KIAA1671: variants seen among roughly 807,000 people sequenced by gnomAD.
KIAA1671 encodes KIAA1671, also known as uncharacterized protein KIAA1671.
KIAA1671 carries 52 observed loss-of-function variants against 131.2 expected under a neutral mutation model. That is an observed-to-expected ratio of 0.40 (90% CI 0.32 to 0.50). The LOEUF is 0.50. Among genes scored for constraint, KIAA1671 ranks in the 20% least tolerant of loss-of-function variants. The pLI is 0.73. For synonymous variants in KIAA1671, 1,003 were observed against 961.6 expected, an observed-to-expected ratio of 1.04 and a Z score of -0.80; for missense variants, 2,360 against 2,364.2, an observed-to-expected ratio of 1.00 and a Z score of 0.04.
At chr22:25,189,244 C>T (rs896672429) in intron 11 of KIAA1671, among the ~76,000 whole-genome samples, 4 of 151,500 alleles carry the variant, frequency 2.6e-5, no homozygotes, top group Non-Finnish European at 5.9e-5. Context: ...ACCTCCGCCT[C>T]CTGGGTTCAC....
rs1934740220 is a variant in KIAA1671 at position 25,193,713 on chromosome 22, TGGTGAG to T, written c.*1314_*1319del. The T allele has an allele frequency of 6.6e-6, 1 of 152,072 alleles. No homozygotes were observed. The highest frequency in any genetic ancestry group is 1.5e-5 in the Non-Finnish European group (1 of 68,038). The allele number at this position is 152,072 out of a possible 1,614,324, so 9.4% of individuals were successfully genotyped here. The stretch of plus-strand genomic sequence containing the variant: ...TAGGTTAGGATAAACACCTGGGCCC[TGGTGAG>T]GCAGTTGCTGTTCAGCACCAGGGAC... On this transcript the variant is annotated 3_prime_UTR_variant, in exon 13 of 13. Transcript: ENST00000358431.
intron 6 of KIAA1671, among the ~76,000 whole-genome samples, chr22:25,149,336 T>C (rs542917245): frequency 6.6e-6 from 1 of 152,318 alleles, no homozygotes; most frequent in Admixed American, 6.5e-5. Flanking sequence ...GCATCTGACG[T>C]CCTGGCCCCT....
At chr22:24,979,595 C>T (rs997096685) in intron 1 of KIAA1671, among the ~76,000 whole-genome samples, 4 of 145,714 alleles carry the variant, frequency 2.7e-5, no homozygotes, top group Non-Finnish European at 6.1e-5. Flanking sequence ...GTGATCCGCC[C>T]GCCTCGGCCT....
chr22:24,962,366 G>T (rs1032843779), intron 1 of KIAA1671, among the ~76,000 whole-genome samples: 3 of 152,172 alleles, frequency 2.0e-5, no homozygotes, highest in Non-Finnish European at 4.4e-5. Flanking sequence ...TGAGGTAGAT[G>T]ATAACCAGAT....
chr22:25,123,390 C>T (rs1199894919), intron 6 of KIAA1671, among the ~76,000 whole-genome samples: 1 of 152,024 alleles, frequency 6.6e-6, no homozygotes, highest in Non-Finnish European at 1.5e-5. Flanking sequence ...AATGGGGTTT[C>T]ATCGTGTTAA....
At chr22:25,123,063 G>A (rs1252482326) in intron 6 of KIAA1671, among the ~76,000 whole-genome samples, 1 of 152,128 alleles carries the variant, frequency 6.6e-6, no homozygotes, top group Non-Finnish European at 1.5e-5. Flanking sequence ...AAACATGATA[G>A]CCTCTAAGGT....
chr22:25,126,272 C>T (rs1196244716), intron 6 of KIAA1671, among the ~76,000 whole-genome samples: 1 of 152,212 alleles, frequency 6.6e-6, no homozygotes, highest in Non-Finnish European at 1.5e-5. Flanking sequence ...AGAAACAGCC[C>T]TTCCCTGGGC....
intron 6 of KIAA1671, among the ~76,000 whole-genome samples, chr22:25,130,357 A>G (rs1932386740): frequency 6.6e-6 from 1 of 152,156 alleles, no homozygotes; most frequent in Admixed American, 6.6e-5. Context: ...TCTGGCTCTC[A>G]ATAGACATTT....
intron 1 of KIAA1671, among the ~76,000 whole-genome samples, chr22:24,975,812 C>T (rs777423422): frequency 3.3e-5 from 5 of 152,048 alleles, no homozygotes; most frequent in Non-Finnish European, 5.9e-5. Flanking sequence ...TGGTGCAGAG[C>T]GGGGGATCCA....
chr22:24,962,826 T>C (rs888876555), intron 1 of KIAA1671, among the ~76,000 whole-genome samples: 1 of 152,136 alleles, frequency 6.6e-6, no homozygotes, highest in Non-Finnish European at 1.5e-5. Flanking sequence ...GCTTTCCCCC[T>C]TCTGCTGTAG....
chr22:25,164,957 A>G (rs1933588394), intron 6 of KIAA1671, among the ~76,000 whole-genome samples: 1 of 107,294 alleles, frequency 9.3e-6, no homozygotes, highest in African/African-American at 5.9e-5. Flanking sequence ...GGAAAAAAAA[A>G]AAAAGAGAGA....
chr22:24,980,270 A>ATTTT (rs59392276), intron 1 of KIAA1671, among the ~76,000 whole-genome samples: 1,466 of 119,192 alleles, frequency 0.012, 62 homozygotes, highest in African/African-American at 0.044. Context: ...AGTTTCTTTG[A>ATTTT]TTTTTTTTTT....
chr22:25,145,078 G>A (rs1002070474), intron 6 of KIAA1671, among the ~76,000 whole-genome samples: 2 of 152,150 alleles, frequency 1.3e-5, no homozygotes. Context: ...TTTCCCTTTA[G>A]GGATGGTGGA....
chr22:25,046,042 C>T (rs1229308923), intron 5 of KIAA1671, among the ~76,000 whole-genome samples: 1 of 152,142 alleles, frequency 6.6e-6, no homozygotes, highest in Non-Finnish European at 1.5e-5. Flanking sequence ...TGGCTCACAT[C>T]TGTAATCCCA....
intron 6 of KIAA1671, among the ~76,000 whole-genome samples, chr22:25,066,909 G>A (rs1189129652): frequency 6.6e-6 from 1 of 152,164 alleles, no homozygotes; most frequent in Non-Finnish European, 1.5e-5. Flanking sequence ...TGTGTGGAGT[G>A]CCTCGGTCAC....
rs1232942238 is a variant in KIAA1671 at position 25,066,988 on chromosome 22, C to G, written c.4530+17624C>G. Among the ~76,000 whole-genome samples the G allele has an allele frequency of 2.0e-5, 3 of 152,130 alleles. 1 individual carries two copies. The highest frequency in any genetic ancestry group is 3.9e-4 in the East Asian group (2 of 5,184). The stretch of plus-strand genomic sequence containing the variant: ...GGGGGCGGGAAGAGAGGACACTGTT[C>G]CACTTCGTCAGCCTCTGACTTCTGA... On this transcript the variant is annotated intron_variant, in intron 6 of 12. Transcript: ENST00000358431.
intron 10 of KIAA1671, 60 bp from the exon 11 acceptor site, chr22:25,184,917 G>A (rs1257017964): frequency 1.9e-6 from 3 of 1,544,050 alleles, no homozygotes; most frequent in East Asian, 2.4e-5. Flanking sequence ...CATTTGCATG[G>A]GAGGGGGCCC....
intron 6 of KIAA1671, among the ~76,000 whole-genome samples, chr22:25,093,866 C>G (rs949797264): frequency 1.2e-4 from 16 of 135,762 alleles, no homozygotes; most frequent in South Asian, 2.5e-4. Context: ...CTCTCTCTCT[C>G]TCTCTCTCTC....
chr22:25,178,675 A>T (rs1601386272), intron 9 of KIAA1671, among the ~76,000 whole-genome samples: 2 of 152,184 alleles, frequency 1.3e-5, no homozygotes. Flanking sequence ...GACTCAGGGC[A>T]GGTCCCCAAC....
Sources: gnomAD v4.1 joint callset for allele counts (sites outside exome capture counted in the v4.1 genomes callset) on GRCh38, gnomAD v4.1.1 for gene constraint, MANE v1.5 for transcripts, NCBI Gene and HGNC (gene_info 2026-07-23, HGNC 2026-07-21) for gene names.